WDR86: variants seen among roughly 807,000 people sequenced by gnomAD.
The protein encoded by WDR86 is WD repeat domain 86, also known as WD repeat-containing protein 86.
In WDR86, 30 loss-of-function variants were observed where a neutral mutation model predicts 36.5. That is an observed-to-expected ratio of 0.82 (90% CI 0.61 to 1.11). The LOEUF is 1.11. WDR86 is among the 50% of genes most tolerant of loss of function. WDR86 has a pLI of 0.00. For synonymous variants in WDR86, 255 were observed against 252.9 expected, an observed-to-expected ratio of 1.01 and a Z score of -0.08; for missense variants, 545 against 561.2, an observed-to-expected ratio of 0.97 and a Z score of 0.29.
intron 1 of WDR86, among the ~76,000 whole-genome samples, chr7:151,403,778 A>T (rs1800511368): frequency 6.6e-6 from 1 of 152,218 alleles, no homozygotes; most frequent in Non-Finnish European, 1.5e-5. Flanking sequence ...GATTGTCAAT[A>T]AACTTTCCCT....
chr7:151,381,489 C>T lies in WDR86; in HGVS notation c.*93G>A. On this transcript the variant is annotated 3_prime_UTR_variant, in exon 6 of 6. Coordinates refer to ENST00000334493, the MANE Select transcript of WDR86 (RefSeq NM_198285.3). The surrounding 1 kb of genome is among the most constrained non-coding windows in gnomAD (Gnocchi z 4.8). ...GGGCTTCCTCGCTCCTCGCCCCTCGCCGGCCATCGGGCGCCACCACCGCGG... is the reference window on the plus strand; with the variant it reads ...GGGCTTCCTCGCTCCTCGCCCCTCGTCGGCCATCGGGCGCCACCACCGCGG... The T allele has an allele frequency of 2.0e-6, 3 of 1,464,694 alleles. No individual in the cohort carries two copies. Among genetic ancestry groups the T allele is most frequent in the Non-Finnish European group, 1.8e-6 (2 of 1,117,774 alleles). The allele number at this position is 1,464,694 out of a possible 1,614,324, so 90.7% of individuals were successfully genotyped here.
intron 3 of WDR86, among the ~76,000 whole-genome samples, chr7:151,386,033 C>T (rs1798956844): frequency 6.6e-6 from 1 of 152,178 alleles, no homozygotes; most frequent in Non-Finnish European, 1.5e-5. Flanking sequence ...GGCGCGATGG[C>T]ACAGGAGACA....
chr7:151,378,030 G>T (rs1349902588), downstream of WDR86: 3 of 152,226 alleles, frequency 2.0e-5, no homozygotes, highest in East Asian at 5.8e-4. Flanking sequence ...ACCTATCAGA[G>T]ATTTAGATAT....
rs1245691716 is a variant in WDR86, at chr7:151,409,459, G to A, written c.131C>T (p.Thr44Ile). Residue 44 changes from threonine to isoleucine, a missense_variant, in exon 1 of 6, where the codon ACC becomes ATC. Thr to Ile is a moderately conservative substitution (Grantham distance 89, BLOSUM62 -1). Coordinates refer to ENST00000334493, the MANE Select transcript of WDR86 (RefSeq NM_198285.3). This position sits in a 1 kb window ranked among gnomAD's most constrained non-coding sequence, Gnocchi z 5.2. ...SEDGTARLWS[T>I]ADGQCCALLQ... ...GAGCGCGCAGCACTGGCCGTCCGCGGTGCTCCAGAGCCGGGCCGTGCCGTC... is the reference window on the plus strand; with the variant it reads ...GAGCGCGCAGCACTGGCCGTCCGCGATGCTCCAGAGCCGGGCCGTGCCGTC... 4 of 1,541,580 alleles carry A rather than the reference G, an allele frequency of 2.6e-6. No homozygotes were observed. Among genetic ancestry groups the A allele is most frequent in the Non-Finnish European group, 3.5e-6 (4 of 1,149,172 alleles).
chr7:151,395,869 G>A lies in WDR86; in HGVS notation c.633C>T (p.Gly211=), dbSNP rs1187446902. ...AGGCACGGATGGTGGCGTCGGTGCT[G>A]CCTGTGAAGGCCGTGTGGCCGGGCG... The part of the protein sequence containing the change: ...LDTPGHTAFT[G]STDATIRAWD... The change falls in exon 3 of 6, where the codon GGC becomes GGT. Residue 211 remains glycine, a synonymous_variant. Coordinates refer to ENST00000334493, the MANE Select transcript of WDR86 (RefSeq NM_198285.3). 6.3e-7 allele frequency: 1 copy of A among 1,598,530 alleles called. No homozygotes were observed. Among genetic ancestry groups the A allele is most frequent in the African/African-American group, 1.3e-5 (1 of 74,768 alleles).
intron 2 of WDR86, among the ~76,000 whole-genome samples, chr7:151,398,207 TTGTG>T (rs1585032423): frequency 6.6e-6 from 1 of 152,086 alleles, no homozygotes; most frequent in South Asian, 2.1e-4. Context: ...GTTTTGTTGC[TTGTG>T]TAAGTTGTGT....
At chr7:151,389,515 CT>C (rs1563050380) in intron 3 of WDR86, among the ~76,000 whole-genome samples, 3 of 152,240 alleles carry the variant, frequency 2.0e-5, no homozygotes, top group African/African-American at 7.2e-5. Context: ...TCTCCCTTGG[CT>C]CTTGACTTGC....
chr7:151,370,830 G>T, the WDR86 span, among the ~76,000 whole-genome samples: 1 of 152,048 alleles, frequency 6.6e-6, no homozygotes, highest in South Asian at 2.1e-4. Context: ...TACTGAGAAT[G>T]AAGTAAGATT....
chr7:151,405,264 GAT>G lies in WDR86; in HGVS notation c.163+4161_163+4162del, dbSNP rs1800625920. Among the ~76,000 whole-genome samples the G allele has an allele frequency of 6.6e-6, 1 of 152,102 alleles. No homozygotes were observed. The highest frequency in any genetic ancestry group is 2.4e-5 in the African/African-American group (1 of 41,400). On this transcript the variant is annotated intron_variant, in intron 1 of 5. Transcript: ENST00000334493. This position sits in a 1 kb window ranked among gnomAD's most constrained non-coding sequence, Gnocchi z 4.7. Reference sequence around the variant, plus strand: ...GCCGCAGCTGGAGACTCTAGGTCAGGATATGTTCCCCTCCCCCAGCTCCGACC... The same window carrying G: ...GCCGCAGCTGGAGACTCTAGGTCAGGATGTTCCCCTCCCCCAGCTCCGACC...
At position 151,396,275 on chromosome 7, in the gene WDR86, C is replaced by T. The variant is rs542086765; in HGVS notation, c.306-79G>A. ...ACACAGCCTCCCGACATGCCATGCT[C>T]GGCACTGCAGCTAAAATAACCTCTC... On this transcript the variant is annotated intron_variant, in intron 2 of 5. Coordinates refer to ENST00000334493, the MANE Select transcript of WDR86 (RefSeq NM_198285.3). 29 of 1,504,692 alleles carry T rather than the reference C, an allele frequency of 1.9e-5. No homozygotes were observed. The Middle Eastern group carries it at 1.4e-3, about 71-fold the overall frequency. The allele number at this position is 1,504,692 out of a possible 1,614,324, so 93.2% of individuals were successfully genotyped here.
intron 3 of WDR86, among the ~76,000 whole-genome samples, chr7:151,394,337 C>A (rs954411513): frequency 2.0e-5 from 3 of 152,194 alleles, no homozygotes; most frequent in Non-Finnish European, 4.4e-5. Flanking sequence ...CGCCTCTACC[C>A]CTACAACCCC....
At chr7:151,391,188 G>C (rs1015653078) in intron 3 of WDR86, among the ~76,000 whole-genome samples, 1 of 152,248 alleles carries the variant, frequency 6.6e-6, no homozygotes, top group African/African-American at 2.4e-5. Context: ...AAGGCAGGAG[G>C]GAGAACTGAC....
chr7:151,404,306 A>C (rs1377964940), intron 1 of WDR86, among the ~76,000 whole-genome samples: 1 of 152,038 alleles, frequency 6.6e-6, no homozygotes, highest in Non-Finnish European at 1.5e-5. Flanking sequence ...AGAGCCTGGC[A>C]CTGAGCCCAC....
In WDR86 at chr7:151,381,683, C is replaced by G. The variant is rs1269472150; in HGVS notation, c.1030G>C (p.Gly344Arg). 2 of 1,432,792 alleles carry G rather than the reference C, an allele frequency of 1.4e-6. No individual in the cohort carries two copies. The highest frequency in any genetic ancestry group is 1.8e-6 in the Non-Finnish European group (2 of 1,102,788). 88.8% of individuals were successfully genotyped at this position (1,432,792 alleles called of 1,614,324 possible). ...GGGGGCCGCGGGGCACCTCGGAGCC[C>G]GCGCACGTCCCAGAGGCGCAGGGCG... ...DGALRLWDVR[G>R]LRGAPRPPPP... Residue 344 changes from glycine to arginine, a missense_variant, in exon 6 of 6, where the codon GGG becomes CGG. Gly to Arg is a moderately radical substitution (Grantham distance 125). Transcript: ENST00000334493. This position sits in a 1 kb window ranked among gnomAD's most constrained non-coding sequence, Gnocchi z 4.8.
At chr7:151,395,750 C>G (rs1367305495) in intron 3 of WDR86, 26 bp downstream of exon 3, 10 of 1,526,124 alleles carry the variant, frequency 6.6e-6, no homozygotes, top group Non-Finnish European at 7.9e-6. Context: ...CCCCTGGCTG[C>G]TGGGCGGGGA....
Position 151,381,166 on chromosome 7 carries a change from T to C in WDR86, c.*416A>G. ...TATATTTCAGTTCCCCCCAAGGCCC[T>C]CGAGACGGACGATTTGCCAAAATAA... On this transcript the variant is annotated 3_prime_UTR_variant, in exon 6 of 6. Coordinates refer to ENST00000334493, the MANE Select transcript of WDR86 (RefSeq NM_198285.3). This position sits in a 1 kb window ranked among gnomAD's most constrained non-coding sequence, Gnocchi z 4.8. The C allele has an allele frequency of 8.0e-7, 1 of 1,251,756 alleles. No homozygotes were observed. The highest frequency in any genetic ancestry group is 1.0e-6 in the Non-Finnish European group (1 of 1,000,990). 77.5% of individuals were successfully genotyped at this position (1,251,756 alleles called of 1,614,324 possible). A position where few individuals can be genotyped will look rare whatever the true frequency, so the allele number is the denominator to read the frequency against.
chr7:151,405,580 C>T lies in WDR86; in HGVS notation c.163+3847G>A, dbSNP rs1165852062. Among the ~76,000 whole-genome samples the T allele has an allele frequency of 1.3e-5, 2 of 152,182 alleles. No homozygotes were observed. The highest frequency in any genetic ancestry group is 6.5e-5 in the Admixed American group (1 of 15,276). On this transcript the variant is annotated intron_variant, in intron 1 of 5. Transcript: ENST00000334493. The surrounding 1 kb of genome is among the most constrained non-coding windows in gnomAD (Gnocchi z 4.7). ...GTGGCTGGAATGGACACTGACGTGG[C>T]CACCAGAGACTTGTAGCAAATCTGC... is the stretch of plus-strand genomic sequence containing the variant.
chr7:151,377,266 C>T, downstream of WDR86: 2 of 1,339,964 alleles, frequency 1.5e-6, no homozygotes, highest in South Asian at 1.5e-5. Context: ...CTTATAAATG[C>T]TATCATTATG....
At position 151,401,451 on chromosome 7, in the gene WDR86, T is replaced by C. The variant is rs1307844692; in HGVS notation, c.164-1210A>G. ...TCATTTCTTTATCATCTCCTTTTAG[T>C]CTTTTTCAAACCTTTCAGCTTTTGC... On this transcript the variant is annotated intron_variant, in intron 1 of 5. Coordinates refer to ENST00000334493, the MANE Select transcript of WDR86 (RefSeq NM_198285.3). The surrounding 1 kb of genome is among the most constrained non-coding windows in gnomAD (Gnocchi z 4.3). Among the ~76,000 whole-genome samples the C allele has an allele frequency of 2.0e-5, 3 of 152,208 alleles. No individual in the cohort carries two copies. The highest frequency in any genetic ancestry group is 7.2e-5 in the African/African-American group (3 of 41,450).
Sources: gnomAD v4.1 joint callset for allele counts (sites outside exome capture counted in the v4.1 genomes callset) on GRCh38, gnomAD v4.1.1 for gene constraint, Gnocchi (gnomAD v3.1) non-coding constraint, MANE v1.5 for transcripts, NCBI Gene and HGNC (gene_info 2026-07-23, HGNC 2026-07-21) for gene names.